The following CFAP52 variants were observed in gnomAD, a reference collection of about 807,000 sequenced individuals.
The protein encoded by CFAP52 is cilia and flagella associated protein 52.
CFAP52 carries 57 observed loss-of-function variants against 70.5 expected under a neutral mutation model. That is an observed-to-expected ratio of 0.81 (90% CI 0.65 to 1.01). The LOEUF is 1.01. Ranked by LOEUF, CFAP52 falls within the 50% of genes least tolerant of loss-of-function variation. The pLI, the probability that CFAP52 is intolerant of heterozygous loss-of-function variation, is 0.00. For missense variants in CFAP52, 785 were observed against 788.5 expected (o/e 1.00, Z 0.05); for synonymous variants, 267 against 292.5 (o/e 0.91, Z 0.89).
Position 9,586,291 on chromosome 17 carries a change from C to T in CFAP52, c.270+319C>T, listed in dbSNP as rs370697977. 4.5e-4 allele frequency among the ~76,000 whole-genome samples: 68 copies of T among 152,128 alleles called. 1 individual carries two copies. The highest frequency in any genetic ancestry group is 1.7e-3 in the East Asian group (9 of 5,156). The stretch of plus-strand genomic sequence containing the variant: ...GAAAAGTGATAGAGCGGGCTGGGCG[C>T]GGTGGCTCATGCCTGTAATCCCAGC... On this transcript the variant is annotated intron_variant, in intron 2 of 13. Coordinates refer to ENST00000352665, the MANE Select transcript of CFAP52 (RefSeq NM_145054.5).
intron 3 of CFAP52, among the ~76,000 whole-genome samples, chr17:9,593,762 C>T (rs1349414343): frequency 6.6e-6 from 1 of 152,020 alleles, no homozygotes; most frequent in Non-Finnish European, 1.5e-5. Context: ...AGCCAACATT[C>T]GAAACCATCC....
downstream of CFAP52, chr17:9,645,546 G>A (rs1911306490): frequency 8.9e-7 from 1 of 1,129,436 alleles, no homozygotes; most frequent in East Asian, 4.4e-5. This position sits in a 1 kb window ranked among gnomAD's most constrained non-coding sequence, Gnocchi z 6.8. Flanking sequence ...CCGGCACCAG[G>A]AGCCTTAGAG....
chr17:9,580,204 C>T (rs187477811), intron 1 of CFAP52, among the ~76,000 whole-genome samples: 75 of 151,938 alleles, frequency 4.9e-4, no homozygotes, highest in African/African-American at 1.7e-3. Flanking sequence ...GTAGCTATGC[C>T]CATTTGTTTA....
At chr17:9,627,037 T>C (rs1477642615) in intron 8 of CFAP52, among the ~76,000 whole-genome samples, 1 of 152,160 alleles carries the variant, frequency 6.6e-6, no homozygotes, top group Non-Finnish European at 1.5e-5. Context: ...CAATATTACT[T>C]CTTCTTATTA....
intron 1 of CFAP52, chr17:9,584,359 T>C: frequency 2.3e-6 from 3 of 1,286,358 alleles, no homozygotes; most frequent in South Asian, 2.5e-5. Flanking sequence ...TCCCAGGCTC[T>C]TCAGAGCACC....
intron 3 of CFAP52, among the ~76,000 whole-genome samples, chr17:9,592,296 C>G (rs1051174551): frequency 2.6e-5 from 4 of 151,998 alleles, no homozygotes; most frequent in Non-Finnish European, 4.4e-5. Flanking sequence ...AACCCTGTCT[C>G]TACTAAAAAT....
chr17:9,594,126 T>C (rs1306360192), intron 3 of CFAP52, 67 bp from the exon 4 acceptor site: 2 of 1,512,014 alleles, frequency 1.3e-6, no homozygotes, highest in Non-Finnish European at 1.8e-6. Flanking sequence ...ACTAAGATGG[T>C]TGTTTCTTAT....
chr17:9,640,632 A>C (rs1911010160), intron 12 of CFAP52, among the ~76,000 whole-genome samples: 1 of 151,682 alleles, frequency 6.6e-6, no homozygotes, highest in Non-Finnish European at 1.5e-5. Context: ...CATTTTCTTA[A>C]GTTTATTCTG....
rs34888799 is a variant in CFAP52 at position 9,591,030 on chromosome 17, C to CTTTTT, written c.408-3143_408-3139dup. ...TGGACATCCTATAGTTTGCATGCATCTTTTTTTTTTTTTTTTTTTTTTTTG... is the reference window on the plus strand; with the variant it reads ...TGGACATCCTATAGTTTGCATGCATCTTTTTTTTTTTTTTTTTTTTTTTTTTTTTG... On this transcript the variant is annotated intron_variant, in intron 3 of 13. Transcript: ENST00000352665. Among the ~76,000 whole-genome samples the CTTTTT allele has an allele frequency of 8.3e-4, 64 of 76,770 alleles. 3 individuals are homozygous for CTTTTT. Among genetic ancestry groups the CTTTTT allele is most frequent in the African/African-American group, 1.5e-3 (28 of 18,248 alleles). The allele number at this position is 76,770 out of a possible 152,430, so 50.4% of individuals were successfully genotyped here. A position where few individuals can be genotyped will look rare whatever the true frequency, so the allele number is the denominator to read the frequency against.
chr17:9,577,211 G>T (rs1297275710), intron 1 of CFAP52, among the ~76,000 whole-genome samples: 2 of 152,180 alleles, frequency 1.3e-5, no homozygotes, highest in Non-Finnish European at 2.9e-5. Flanking sequence ...ATCCCAACTG[G>T]CGTACCAGTG....
At chr17:9,607,083 C>T (rs1369478426) in intron 6 of CFAP52, among the ~76,000 whole-genome samples, 1 of 152,202 alleles carries the variant, frequency 6.6e-6, no homozygotes, top group Non-Finnish European at 1.5e-5. Flanking sequence ...TGGTGGCTCA[C>T]ACCTGTAATC....
intron 7 of CFAP52, among the ~76,000 whole-genome samples, chr17:9,608,817 T>G (rs897704989): frequency 1.3e-5 from 2 of 152,188 alleles, no homozygotes; most frequent in Non-Finnish European, 2.9e-5. Context: ...TTAGATACTA[T>G]TAATAAAATA....
chr17:9,584,484 G>A, intron 1 of CFAP52: 2 of 673,502 alleles, frequency 3.0e-6, no homozygotes, highest in Non-Finnish European at 4.1e-6. Flanking sequence ...ACAATGTGTT[G>A]ATAGACATAT....
intron 1 of CFAP52, among the ~76,000 whole-genome samples, chr17:9,585,494 C>T (rs543193405): frequency 2.0e-4 from 30 of 152,174 alleles, no homozygotes; most frequent in African/African-American, 7.0e-4. Context: ...TGGTGAAACC[C>T]CGTCTCTACT....
rs1380528971 is a variant in CFAP52 at position 9,643,035 on chromosome 17, A to G, written c.1700A>G (p.His567Arg). Residue 567 changes from histidine to arginine, a missense_variant, in exon 14 of 14, where the codon CAT (histidine) becomes CGT (arginine). Physicochemically the swap from His to Arg is conservative, Grantham distance 29. Transcript: ENST00000352665. ...GVHFVTGGND[H>R]LVKVWDYNEG... is the part of the protein sequence containing the mutation. ...TTATCTTTTTCAGGTGGAAATGACC[A>G]TCTGGTCAAAGTTTGGGATTATAAT... The G allele has an allele frequency of 1.2e-6, 2 of 1,601,436 alleles. No individual in the cohort carries two copies. The highest frequency in any genetic ancestry group is 1.7e-6 in the Non-Finnish European group (2 of 1,174,040).
At chr17:9,607,057 ATGT>A (rs764065289) in intron 6 of CFAP52, among the ~76,000 whole-genome samples, 7 of 152,326 alleles carry the variant, frequency 4.6e-5, no homozygotes, top group Non-Finnish European at 8.8e-5. Flanking sequence ...TTAAAATCAA[ATGT>A]TGTGGCTGAG....
chr17:9,601,735 A>C (rs2151937178), intron 6 of CFAP52, among the ~76,000 whole-genome samples: 1 of 152,300 alleles, frequency 6.6e-6, no homozygotes, highest in East Asian at 1.9e-4. Context: ...GCTACCATCA[A>C]AGGATAATTT....
chr17:9,645,550 C>T, downstream of CFAP52: 1 of 1,141,110 alleles, frequency 8.8e-7, no homozygotes, highest in African/African-American at 1.6e-5. The surrounding 1 kb of genome is among the most constrained non-coding windows in gnomAD (Gnocchi z 6.8). Context: ...CACCAGGAGC[C>T]TTAGAGAAGC....
chr17:9,586,845 A>C lies in CFAP52; in HGVS notation c.407+11A>C, dbSNP rs767391328. ...CCCAGATGACGGAAGGTAATGAACT[A>C]AACATAGTTACTTATTTTCTTTATT... On this transcript the variant is annotated intron_variant, in intron 3 of 13. Coordinates refer to ENST00000352665, the MANE Select transcript of CFAP52 (RefSeq NM_145054.5). 5.1e-6 allele frequency: 8 copies of C among 1,575,194 alleles called. No individual in the cohort carries two copies. The highest frequency in any genetic ancestry group is 6.9e-6 in the Non-Finnish European group (8 of 1,166,874).
Sources: gnomAD v4.1 joint callset for allele counts (sites outside exome capture counted in the v4.1 genomes callset) on GRCh38, gnomAD v4.1.1 for gene constraint, Gnocchi (gnomAD v3.1) non-coding constraint, MANE v1.5 for transcripts, NCBI Gene and HGNC (gene_info 2026-07-23, HGNC 2026-07-21) for gene names.